RALGPS2: variants seen among roughly 807,000 people sequenced by gnomAD.
The protein encoded by RALGPS2 is ras-specific guanine nucleotide-releasing factor RalGPS2.
In RALGPS2, 43 loss-of-function variants were observed where a neutral mutation model predicts 86.8. The observed-to-expected ratio is 0.50, with a 90% CI of 0.39 to 0.64. The LOEUF (loss-of-function observed/expected upper bound fraction) is 0.64, where lower values mean the gene tolerates loss of function less well. Among genes scored for constraint, RALGPS2 ranks in the 30% least tolerant of loss-of-function variants. The pLI is 0.00. For synonymous variants in RALGPS2, 243 were observed against 231.3 expected (o/e 1.05, Z -0.46); for missense variants, 536 against 694.6 (o/e 0.77, Z 2.57).
At chr1:178,829,854 C>G (rs1442543155) in intron 7 of RALGPS2, among the ~76,000 whole-genome samples, 1 of 152,092 alleles carries the variant, frequency 6.6e-6, no homozygotes, top group Admixed American at 6.5e-5. Flanking sequence ...AAGTGATTCT[C>G]CTGCCTCAGC....
intron 8 of RALGPS2, among the ~76,000 whole-genome samples, chr1:178,834,175 C>A (rs1656157935): frequency 1.3e-5 from 2 of 151,808 alleles, no homozygotes. Flanking sequence ...AAAGAAGACC[C>A]AAATAAGTTG....
intron 1 of RALGPS2, among the ~76,000 whole-genome samples, chr1:178,764,480 C>A (rs566644166): frequency 6.6e-6 from 1 of 152,058 alleles, no homozygotes; most frequent in Non-Finnish European, 1.5e-5. Flanking sequence ...GTAAGTATTG[C>A]GATGTGTGGA....
rs12035651 is a variant in RALGPS2, at chr1:178,813,473, G to A, written c.387+2069G>A. Among the ~76,000 whole-genome samples the A allele has an allele frequency of 1.4e-3, 209 of 151,964 alleles. 4 individuals are homozygous for A. The East Asian group carries it at 0.035, about 26-fold the overall frequency. On this transcript the variant is annotated intron_variant, in intron 6 of 19. Transcript: ENST00000367635. ...AACTCATAATTGTTTTTTTCTCATT[G>A]TCCCTTAAACCCTTCTATTCTGACT...
chr1:178,728,623 T>C (rs1650164665), intron 1 of RALGPS2, among the ~76,000 whole-genome samples: 1 of 152,156 alleles, frequency 6.6e-6, no homozygotes, highest in Non-Finnish European at 1.5e-5. Context: ...AGCTTGAAAC[T>C]ACCCCAGCCT....
At chr1:178,893,479 T>G (rs1373822717) in intron 15 of RALGPS2, among the ~76,000 whole-genome samples, 2 of 151,608 alleles carry the variant, frequency 1.3e-5, no homozygotes, top group African/African-American at 2.4e-5. Context: ...GCTTGTATTT[T>G]TATTTTCAGT....
intron 1 of RALGPS2, among the ~76,000 whole-genome samples, chr1:178,752,421 C>G (rs1651734109): frequency 1.3e-5 from 2 of 151,756 alleles, no homozygotes; most frequent in African/African-American, 2.4e-5. Flanking sequence ...ACTTCCCTCT[C>G]CCAAAGTGGT....
intron 17 of RALGPS2, among the ~76,000 whole-genome samples, chr1:178,899,016 T>C (rs1326533338): frequency 6.6e-6 from 1 of 151,944 alleles, no homozygotes; most frequent in Non-Finnish European, 1.5e-5. Context: ...CATAGCCACA[T>C]TGAGATACTT....
At chr1:178,844,272 C>T (rs1325618917) in intron 8 of RALGPS2, among the ~76,000 whole-genome samples, 13 of 152,002 alleles carry the variant, frequency 8.6e-5, no homozygotes, top group Admixed American at 2.0e-4. Flanking sequence ...AAAAGGTAAC[C>T]GCTAATGATT....
chr1:178,762,321 G>C (rs1333623922), intron 1 of RALGPS2, among the ~76,000 whole-genome samples: 1 of 152,140 alleles, frequency 6.6e-6, no homozygotes, highest in African/African-American at 2.4e-5. Flanking sequence ...GAACATACAT[G>C]TGCATATGTC....
intron 1 of RALGPS2, chr1:178,747,877 A>G (rs1651429496): frequency 1.8e-6 from 1 of 559,004 alleles, no homozygotes; most frequent in East Asian, 3.0e-5. Flanking sequence ...ATAAATGGGA[A>G]TTAAAATCAG....
At chr1:178,730,875 AT>A (rs1380872203) in intron 1 of RALGPS2, among the ~76,000 whole-genome samples, 2 of 151,622 alleles carry the variant, frequency 1.3e-5, no homozygotes, top group African/African-American at 2.4e-5. Context: ...CTAATTTTGT[AT>A]TTTTAGGAGA....
intron 4 of RALGPS2, among the ~76,000 whole-genome samples, chr1:178,802,812 T>C (rs76171779): frequency 7.6e-4 from 116 of 152,318 alleles, no homozygotes; most frequent in African/African-American, 2.8e-3. Context: ...TACATTTGTG[T>C]GTATTTTATG....
In RALGPS2 at chr1:178,916,576, T is replaced by C; in HGVS notation, c.*217T>C. ...TTGCAAAACAAACTGCCATGAACCA[T>C]GCTTCTTATCTCAGAACTGACCTGT... On this transcript the variant is annotated 3_prime_UTR_variant, in exon 20 of 20. Transcript: ENST00000367635. 3 of 530,398 alleles carry C rather than the reference T, an allele frequency of 5.7e-6. No individual in the cohort carries two copies. In the South Asian group the frequency reaches 9.3e-5, roughly 17 times the overall value. 32.9% of individuals were successfully genotyped at this position (530,398 alleles called of 1,614,324 possible).
chr1:178,897,521 A>C, intron 16 of RALGPS2, 143 bp from the exon 17 acceptor site: 1 of 628,088 alleles, frequency 1.6e-6, no homozygotes, highest in Non-Finnish European at 2.8e-6. Context: ...TTTGAGATTA[A>C]GATTTCAGAA....
rs1191131263 is a variant in RALGPS2, at chr1:178,918,948, A to G, written c.*2589A>G. 2 of 152,096 alleles carry G rather than the reference A, an allele frequency of 1.3e-5. No homozygotes were observed. The highest frequency in any genetic ancestry group is 3.8e-4 in the East Asian group (2 of 5,200). The allele number at this position is 152,096 out of a possible 1,614,324, so 9.4% of individuals were successfully genotyped here. A position where few individuals can be genotyped will look rare whatever the true frequency, so the allele number is the denominator to read the frequency against. Reference sequence around the variant, plus strand: ...TCAAAAACTCAAAATGTTCATCAGCATTCAGGTCATTTGTTTCACCCTTAG... The same window carrying G: ...TCAAAAACTCAAAATGTTCATCAGCGTTCAGGTCATTTGTTTCACCCTTAG... On this transcript the variant is annotated 3_prime_UTR_variant, in exon 20 of 20. Transcript: ENST00000367635.
chr1:178,733,277 A>G (rs1307576801), intron 1 of RALGPS2, among the ~76,000 whole-genome samples: 12 of 152,218 alleles, frequency 7.9e-5, no homozygotes, highest in Admixed American at 7.8e-4. Context: ...AAGAGAAGGA[A>G]AAGGCAAGTA....
chr1:178,851,308 C>T lies in RALGPS2; in HGVS notation c.607+17758C>T, dbSNP rs758492969. The T allele has an allele frequency of 6.2e-6, 10 of 1,606,290 alleles. No individual in the cohort carries two copies. The highest frequency in any genetic ancestry group is 1.3e-5 in the African/African-American group (1 of 74,488). ...CACCAGCCTCCTTTATGAAAGTGGG[C>T]GCAGTTTCCTTTGAGGAAAAAATAC... is the stretch of plus-strand genomic sequence containing the variant. On this transcript the variant is annotated intron_variant, in intron 8 of 19. Transcript: ENST00000367635.
chr1:178,906,736 T>TA (rs748685241), intron 18 of RALGPS2, 40 bp from the exon 19 acceptor site: 2 of 1,518,590 alleles, frequency 1.3e-6, no homozygotes, highest in South Asian at 1.2e-5. Flanking sequence ...GTGTCGTCCT[T>TA]ACATTTTTAA....
At chr1:178,811,505 G>GA in intron 6 of RALGPS2, 101 bp downstream of exon 6, 1 of 871,152 alleles carries the variant, frequency 1.1e-6, no homozygotes, top group Non-Finnish European at 1.7e-6. Context: ...ATTGATACTG[G>GA]AAAAATAAGA....
Sources: gnomAD v4.1 joint callset for allele counts (sites outside exome capture counted in the v4.1 genomes callset) on GRCh38, gnomAD v4.1.1 for gene constraint, MANE v1.5 for transcripts, NCBI Gene and HGNC (gene_info 2026-07-23, HGNC 2026-07-21) for gene names.